Variants in COL9A1 observed in about 807,000 individuals in gnomAD.
COL9A1 encodes collagen alpha-1(IX) chain.
Under a neutral mutation model 142.6 loss-of-function variants are expected in COL9A1, and 104 were observed. The ratio of observed to expected loss-of-function variants is 0.73; its 90% CI spans 0.62 to 0.86. The LOEUF is 0.86. COL9A1 is among the 40% of genes least tolerant of loss of function. The probability of loss-of-function intolerance (pLI) is 0.00; values close to 1 mark genes in which losing one functional copy is unlikely to be tolerated. For synonymous variants in COL9A1, 466 were observed against 396.0 expected (o/e 1.18, Z -2.10); for missense variants, 1,210 against 1,176.6 (o/e 1.03, Z -0.42).
intron 37 of COL9A1, among the ~76,000 whole-genome samples, chr6:70,221,409 TAA>T (rs1190784030): frequency 6.6e-6 from 1 of 152,200 alleles, no homozygotes; most frequent in African/African-American, 2.4e-5. Flanking sequence ...TAAGGAATTA[TAA>T]ACTGGTTTAT....
intron 8 of COL9A1, among the ~76,000 whole-genome samples, 159 bp downstream of exon 8, chr6:70,281,231 C>G (rs536638317): frequency 9.2e-5 from 14 of 151,780 alleles, no homozygotes; most frequent in Non-Finnish European, 1.9e-4. Context: ...GATCCTACCC[C>G]CAACTCTCGC....
At chr6:70,256,674 A>T in intron 21 of COL9A1, 94 bp downstream of exon 21, 1 of 971,164 alleles carries the variant, frequency 1.0e-6, no homozygotes, top group Non-Finnish European at 1.6e-6. Flanking sequence ...TTTCCACTTT[A>T]ATTATTCACA....
chr6:70,291,948 C>T (rs1773676925), intron 5 of COL9A1, among the ~76,000 whole-genome samples: 1 of 152,104 alleles, frequency 6.6e-6, no homozygotes, highest in Non-Finnish European at 1.5e-5. Flanking sequence ...TTCCATCTTA[C>T]AAGGTTGTTG....
At chr6:70,241,823 T>A in intron 30 of COL9A1, 141 bp downstream of exon 30, 1 of 775,706 alleles carries the variant, frequency 1.3e-6, no homozygotes. Context: ...CAACTCTGAG[T>A]AATTTAAAAT....
chr6:70,239,083 G>A (rs1583232138), intron 33 of COL9A1, among the ~76,000 whole-genome samples, 171 bp downstream of exon 33: 1 of 151,864 alleles, frequency 6.6e-6, no homozygotes, highest in East Asian at 1.9e-4. Context: ...AGGTTGCAGT[G>A]AGCCAAGATT....
chr6:70,298,197 T>C (rs1773916868), intron 4 of COL9A1, among the ~76,000 whole-genome samples: 1 of 152,226 alleles, frequency 6.6e-6, no homozygotes, highest in African/African-American at 2.4e-5. Flanking sequence ...CTCCTTCTAG[T>C]GCTCTTCACC....
chr6:70,272,639 C>T (rs1772482734), intron 12 of COL9A1, among the ~76,000 whole-genome samples: 1 of 152,094 alleles, frequency 6.6e-6, no homozygotes, highest in Non-Finnish European at 1.5e-5. Flanking sequence ...AATGGTGTCA[C>T]TCCTGAAGTA....
At chr6:70,274,980 A>G (rs1429278215) in intron 10 of COL9A1, 2 of 573,538 alleles carry the variant, frequency 3.5e-6, no homozygotes, top group Non-Finnish European at 6.2e-6. Context: ...CTTCTTGATA[A>G]GTTGTATCAT....
Position 70,283,198 on chromosome 6 carries a change from G to A in COL9A1, c.781-280C>T, listed in dbSNP as rs569269182. The stretch of plus-strand genomic sequence containing the variant: ...AGCGGTTGCCAAAGCGTCCAGGCCC[G>A]GGAGGCGCGCGTTCCCCCTGTTTAT... On this transcript the variant is annotated intron_variant, in intron 6 of 37. Transcript: ENST00000357250. 3.4e-6 allele frequency: 5 copies of A among 1,471,104 alleles called. No individual in the cohort carries two copies. The Admixed American group carries it at 7.2e-5, about 21-fold the overall frequency. The allele number at this position is 1,471,104 out of a possible 1,614,324, so 91.1% of individuals were successfully genotyped here.
chr6:70,256,868 T>G, intron 20 of COL9A1, 47 bp from the exon 21 acceptor site: 2 of 1,568,386 alleles, frequency 1.3e-6, no homozygotes, highest in Middle Eastern at 1.7e-4. Flanking sequence ...CAGTCATGTA[T>G]GTTAAAGGAA....
intron 36 of COL9A1, among the ~76,000 whole-genome samples, chr6:70,229,504 C>A (rs1333727301): frequency 6.6e-6 from 1 of 152,100 alleles, no homozygotes; most frequent in African/African-American, 2.4e-5. Flanking sequence ...ATAATTGATG[C>A]TCTATCTCCA....
rs573353302 is a variant in COL9A1, at chr6:70,229,093, T to C, written c.2504-3084A>G. Among the ~76,000 whole-genome samples, 3 of 152,278 alleles carry C rather than the reference T, an allele frequency of 2.0e-5. No individual in the cohort carries two copies. The East Asian group carries it at 5.8e-4, about 29-fold the overall frequency. ...ATGAAGCCACACCAACTTTTAATGTTGCTTCGAGGACTAAGACCAGTGTCT... is the reference window on the plus strand; with the variant it reads ...ATGAAGCCACACCAACTTTTAATGTCGCTTCGAGGACTAAGACCAGTGTCT... On this transcript the variant is annotated intron_variant, in intron 36 of 37. Coordinates refer to ENST00000357250, the MANE Select transcript of COL9A1 (RefSeq NM_001851.6).
intron 10 of COL9A1, among the ~76,000 whole-genome samples, chr6:70,277,015 T>C (rs995323870): frequency 6.6e-6 from 1 of 152,230 alleles, no homozygotes; most frequent in Non-Finnish European, 1.5e-5. Flanking sequence ...TTTAGAATAA[T>C]TTCTTAATAA....
At chr6:70,239,713 C>T (rs1770125933) in intron 32 of COL9A1, among the ~76,000 whole-genome samples, 2 of 152,160 alleles carry the variant, frequency 1.3e-5, no homozygotes, top group South Asian at 4.1e-4. Context: ...GTCTACTAAA[C>T]CAAATATGCC....
At chr6:70,236,327 A>T (rs1224835982) in intron 33 of COL9A1, among the ~76,000 whole-genome samples, 1 of 152,304 alleles carries the variant, frequency 6.6e-6, no homozygotes, top group South Asian at 2.1e-4. Flanking sequence ...TGTTTTAAAA[A>T]GAGACCAAAT....
At chr6:70,285,582 T>C (rs938550085) in intron 5 of COL9A1, among the ~76,000 whole-genome samples, 1 of 152,228 alleles carries the variant, frequency 6.6e-6, no homozygotes, top group Non-Finnish European at 1.5e-5. Flanking sequence ...ACTAATTTAG[T>C]CCTTTAGTCA....
At chr6:70,237,163 C>T (rs1052681334) in intron 33 of COL9A1, among the ~76,000 whole-genome samples, 1 of 152,144 alleles carries the variant, frequency 6.6e-6, no homozygotes, top group African/African-American at 2.4e-5. Flanking sequence ...ACAAAATGAA[C>T]TCAGAAATAT....
rs552997977 is a variant in COL9A1 at position 70,219,823 on chromosome 6, AT to A, written c.2582-2743del. Among the ~76,000 whole-genome samples the A allele has an allele frequency of 7.3e-3, 1,113 of 152,302 alleles. 6 individuals carry two copies. Among genetic ancestry groups the A allele is most frequent in the Non-Finnish European group, 0.012 (843 of 68,018 alleles). On this transcript the variant is annotated intron_variant, in intron 37 of 37. Coordinates refer to ENST00000357250, the MANE Select transcript of COL9A1 (RefSeq NM_001851.6). ...GTTTAAATGTTAGCAACTAATTCAA[AT>A]TTTTTTCAACATTTGTAGAGCCAGC...
chr6:70,232,024 C>G (rs73473565), intron 36 of COL9A1, among the ~76,000 whole-genome samples: 84 of 152,072 alleles, frequency 5.5e-4, no homozygotes, highest in African/African-American at 2.0e-3. Context: ...AACAAGCTAT[C>G]TTACATACTA....
Sources: gnomAD v4.1 joint callset for allele counts (sites outside exome capture counted in the v4.1 genomes callset) on GRCh38, gnomAD v4.1.1 for gene constraint, MANE v1.5 for transcripts, NCBI Gene and HGNC (gene_info 2026-07-23, HGNC 2026-07-21) for gene names.